Variants in HDAC9 observed in about 807,000 individuals in gnomAD.
HDAC9 encodes the protein MEF-2 interacting transcription repressor (MITR) protein.
In HDAC9, 41 loss-of-function variants were observed where a neutral mutation model predicts 139.4. The observed-to-expected ratio is 0.29, with a 90% CI of 0.23 to 0.38. HDAC9 has a LOEUF of 0.38. HDAC9 is among the 10% of genes least tolerant of loss of function. The pLI is 1.00. For synonymous variants in HDAC9, 517 were observed against 476.2 expected, an observed-to-expected ratio of 1.09 and a Z score of -1.12; for missense variants, 1,147 against 1,297.0, an observed-to-expected ratio of 0.88 and a Z score of 1.78.
intron 1 of HDAC9, among the ~76,000 whole-genome samples, chr7:18,348,902 A>T (rs541698329): frequency 6.6e-6 from 1 of 152,262 alleles, no homozygotes; most frequent in East Asian, 1.9e-4. Flanking sequence ...TATTATGACT[A>T]TTTAAATGGA....
chr7:18,147,165 A>G (rs1786403670), intron 1 of HDAC9, among the ~76,000 whole-genome samples: 1 of 152,088 alleles, frequency 6.6e-6, no homozygotes, highest in African/African-American at 2.4e-5. Context: ...TATATTTATT[A>G]TGGTCCATTT....
intron 1 of HDAC9, among the ~76,000 whole-genome samples, chr7:18,349,875 T>A (rs952547796): frequency 4.8e-4 from 73 of 152,214 alleles, no homozygotes; most frequent in Admixed American, 4.8e-3. Flanking sequence ...TATATTTCAG[T>A]TGTTCTTTGC....
At chr7:18,793,280 T>C in intron 16 of HDAC9, 65 bp from the exon 17 acceptor site, 1 of 1,153,326 alleles carries the variant, frequency 8.7e-7, no homozygotes, top group African/African-American at 1.5e-5. Flanking sequence ...CTTTTACCCC[T>C]TTCATCTCTT....
rs568203173 is a variant in HDAC9 at position 18,349,041 on chromosome 7, A to AT, written c.-42+58527dup. 1.1e-4 allele frequency among the ~76,000 whole-genome samples: 16 copies of AT among 152,208 alleles called. No homozygotes were observed. The South Asian group carries it at 3.3e-3, about 32-fold the overall frequency. Reference sequence around the variant, plus strand: ...GTTCTGTCCACTATAAGCTATTCCCATAACTTTAATACAGTCATTTTCCCA... The same window carrying AT: ...GTTCTGTCCACTATAAGCTATTCCCATTAACTTTAATACAGTCATTTTCCCA... On this transcript the variant is annotated intron_variant, in intron 1 of 3. Coordinates refer to the HDAC9 transcript ENST00000413509.
intron 2 of HDAC9, among the ~76,000 whole-genome samples, chr7:18,581,851 G>A (rs1322772845): frequency 6.6e-6 from 1 of 152,170 alleles, no homozygotes; most frequent in Non-Finnish European, 1.5e-5. Flanking sequence ...AACTTGTCAT[G>A]ATTAATTTCT....
At chr7:18,454,046 A>G (rs1288679171) in intron 1 of HDAC9, among the ~76,000 whole-genome samples, 2 of 152,162 alleles carry the variant, frequency 1.3e-5, no homozygotes, top group Admixed American at 6.6e-5. Context: ...ATATTATTCC[A>G]AAGTATAATT....
At chr7:18,895,165 C>G (rs536845569) in intron 22 of HDAC9, among the ~76,000 whole-genome samples, 2 of 152,146 alleles carry the variant, frequency 1.3e-5, no homozygotes, top group Non-Finnish European at 2.9e-5. Flanking sequence ...AAAGTGAGAC[C>G]AGTCAGAATA....
At chr7:18,168,923 G>A (rs1188035643) in intron 2 of HDAC9, among the ~76,000 whole-genome samples, 101 of 136,248 alleles carry the variant, frequency 7.4e-4, no homozygotes, top group Non-Finnish European at 1.3e-3. Flanking sequence ...GTGTGTGTGT[G>A]TGTGCGCGCA....
chr7:18,999,113 G>C lies in HDAC9; in HGVS notation c.*3051G>C, dbSNP rs1302530141. 6.6e-6 allele frequency: 1 copy of C among 152,106 alleles called. No individual in the cohort carries two copies. Among genetic ancestry groups the C allele is most frequent in the African/African-American group, 2.4e-5 (1 of 41,416 alleles). The allele number at this position is 152,106 out of a possible 1,614,324, so 9.4% of individuals were successfully genotyped here. A position where few individuals can be genotyped will look rare whatever the true frequency, so the allele number is the denominator to read the frequency against. ...ATAGTGGAGACAGAAGTCAGCTTTG[G>C]AGAAAATAGAGATATTTATGAAAAA... On this transcript the variant is annotated 3_prime_UTR_variant, in exon 26 of 26. Coordinates refer to ENST00000686413, the MANE Select transcript of HDAC9 (RefSeq NM_178425.4).
intron 1 of HDAC9, among the ~76,000 whole-genome samples, chr7:18,155,186 A>T (rs1291105944): frequency 1.3e-5 from 2 of 151,838 alleles, no homozygotes; most frequent in Non-Finnish European, 2.9e-5. Flanking sequence ...TTTAAACTCA[A>T]ATTGGTGATA....
At chr7:18,181,229 T>C (rs1430222394) in intron 2 of HDAC9, among the ~76,000 whole-genome samples, 1 of 152,216 alleles carries the variant, frequency 6.6e-6, no homozygotes, top group African/African-American at 2.4e-5. Flanking sequence ...TGGCTTGGCT[T>C]GTAATTGCTA....
rs1181788908 is a variant in HDAC9, at chr7:18,666,288, G to C, written c.1543G>C (p.Asp515His). 1.2e-6 allele frequency: 2 copies of C among 1,613,464 alleles called. No homozygotes were observed. The highest frequency in any genetic ancestry group is 2.2e-5 in the East Asian group (1 of 44,794). ...GGAAGCAGAGGAAGAGCTTCAGGGGGACCAGGCGATGCAGGAAGACAGAGC... is the reference window on the plus strand; with the variant it reads ...GGAAGCAGAGGAAGAGCTTCAGGGGCACCAGGCGATGCAGGAAGACAGAGC... ...LEEAEEELQG[D>H]QAMQEDRAPS... The change falls in exon 12 of 26, where the codon GAC becomes CAC. Residue 515 changes from aspartate (D) to histidine (H), a missense_variant. Asp to His is a moderately conservative substitution (Grantham distance 81, BLOSUM62 -1). Transcript: ENST00000686413.
At chr7:18,693,102 A>G (rs1443923709) in intron 12 of HDAC9, among the ~76,000 whole-genome samples, 1 of 151,996 alleles carries the variant, frequency 6.6e-6, no homozygotes, top group African/African-American at 2.4e-5. Flanking sequence ...AAAACTTTAA[A>G]AAGAAAAAAA....
At chr7:18,835,653 C>T in intron 20 of HDAC9, 67 bp downstream of exon 20, 2 of 1,587,860 alleles carry the variant, frequency 1.3e-6, no homozygotes, top group Non-Finnish European at 1.7e-6. Flanking sequence ...TGCATGATTA[C>T]CCCTAATTTT....
At chr7:18,950,974 G>C (rs1190831850) in intron 23 of HDAC9, among the ~76,000 whole-genome samples, 1 of 151,808 alleles carries the variant, frequency 6.6e-6, no homozygotes, top group East Asian at 1.9e-4. Context: ...GCTCTGTTTA[G>C]CTTCTTTTAT....
At chr7:18,357,155 G>T (rs1272016798) in intron 1 of HDAC9, among the ~76,000 whole-genome samples, 2 of 152,058 alleles carry the variant, frequency 1.3e-5, no homozygotes, top group Non-Finnish European at 2.9e-5. Context: ...TGATTTTAGT[G>T]TAGGAGCCTG....
chr7:18,763,607 A>T (rs1789578379), intron 15 of HDAC9, among the ~76,000 whole-genome samples: 1 of 152,146 alleles, frequency 6.6e-6, no homozygotes, highest in African/African-American at 2.4e-5. Flanking sequence ...TTTACATAAA[A>T]TACCTCTTTT....
At chr7:18,499,074 G>T (rs1228014404) in intron 2 of HDAC9, among the ~76,000 whole-genome samples, 1 of 30,136 alleles carries the variant, frequency 3.3e-5, no homozygotes, top group Non-Finnish European at 5.9e-5. Context: ...TAAGAGTAGG[G>T]TGTGTATGTG....
intron 2 of HDAC9, among the ~76,000 whole-genome samples, chr7:18,263,568 A>C (rs1795810996): frequency 6.6e-6 from 1 of 151,588 alleles, no homozygotes; most frequent in South Asian, 2.1e-4. Context: ...CCAGGTCCTC[A>C]TCCCTGTGGA....
Sources: gnomAD v4.1 joint callset for allele counts (sites outside exome capture counted in the v4.1 genomes callset) on GRCh38, gnomAD v4.1.1 for gene constraint, MANE v1.5 for transcripts, NCBI Gene and HGNC (gene_info 2026-07-23, HGNC 2026-07-21) for gene names.